DENND1B: variants seen among roughly 807,000 people sequenced by gnomAD.
DENND1B encodes the protein DENN domain-containing protein 1B.
DENND1B carries 59 observed loss-of-function variants against 90.1 expected under a neutral mutation model. That is an observed-to-expected ratio of 0.65 (90% CI 0.53 to 0.81). The LOEUF is 0.81. Among genes scored for constraint, DENND1B ranks in the 40% least tolerant of loss-of-function variants. The pLI is 0.00. For missense variants in DENND1B, 862 were observed against 912.6 expected, an observed-to-expected ratio of 0.94 and a Z score of 0.71; for synonymous variants, 337 against 324.6, an observed-to-expected ratio of 1.04 and a Z score of -0.41.
At chr1:197,595,046 T>C (rs140225944) in intron 14 of DENND1B, among the ~76,000 whole-genome samples, 162 bp downstream of exon 14, 4 of 152,222 alleles carry the variant, frequency 2.6e-5, no homozygotes, top group African/African-American at 9.6e-5. Flanking sequence ...AGTCAAAAAT[T>C]GGAGATGAAA....
intron 7 of DENND1B, among the ~76,000 whole-genome samples, chr1:197,648,894 C>T (rs1286548424): frequency 1.3e-5 from 2 of 152,164 alleles, no homozygotes; most frequent in Non-Finnish European, 2.9e-5. Context: ...GCTGCTGACT[C>T]CCAAATTTGG....
Position 197,716,251 on chromosome 1 carries a change from T to C in DENND1B, c.83-1177A>G, listed in dbSNP as rs187200501. 1.2e-4 allele frequency among the ~76,000 whole-genome samples: 18 copies of C among 151,940 alleles called. No homozygotes were observed. The East Asian group carries it at 3.1e-3, about 26-fold the overall frequency. ...TTATACTTAAGTTCCACAGAATTTT[T>C]TTCAGGTATTTTAAATTAAAAAGAA... On this transcript the variant is annotated intron_variant, in intron 2 of 22. Transcript: ENST00000620048.
chr1:197,560,595 T>C (rs1347083469), intron 15 of DENND1B, among the ~76,000 whole-genome samples: 1 of 151,790 alleles, frequency 6.6e-6, no homozygotes, highest in African/African-American at 2.4e-5. Context: ...GCAAAGGGAA[T>C]AGCCAGAGTA....
intron 2 of DENND1B, among the ~76,000 whole-genome samples, chr1:197,716,721 C>T (rs895179042): frequency 3.3e-5 from 5 of 151,838 alleles, no homozygotes; most frequent in African/African-American, 1.2e-4. Context: ...ACAGTTCTTT[C>T]TCATGAATAA....
At chr1:197,734,576 CT>C in intron 2 of DENND1B, 7 of 980,782 alleles carry the variant, frequency 7.1e-6, no homozygotes, top group Non-Finnish European at 8.5e-6. Flanking sequence ...AATCTTTTTC[CT>C]TCTTTCAAAA....
chr1:197,575,213 G>T (rs1256851646), intron 15 of DENND1B, among the ~76,000 whole-genome samples: 1 of 151,200 alleles, frequency 6.6e-6, no homozygotes, highest in Non-Finnish European at 1.5e-5. Flanking sequence ...TAATACCCAG[G>T]ATCTACAAAG....
At chr1:197,598,114 C>G (rs1460596529) in intron 13 of DENND1B, among the ~76,000 whole-genome samples, 1 of 151,776 alleles carries the variant, frequency 6.6e-6, no homozygotes, top group Non-Finnish European at 1.5e-5. Context: ...TAATTTCATA[C>G]AGATTTTAAA....
intron 16 of DENND1B, among the ~76,000 whole-genome samples, chr1:197,551,286 C>T (rs145144869): frequency 6.6e-6 from 1 of 152,154 alleles, no homozygotes; most frequent in East Asian, 1.9e-4. Flanking sequence ...GCTTGACAGG[C>T]ACAAATTTCT....
chr1:197,570,726 G>A (rs1673076431), intron 15 of DENND1B, among the ~76,000 whole-genome samples: 1 of 152,078 alleles, frequency 6.6e-6, no homozygotes, highest in South Asian at 2.1e-4. Flanking sequence ...TAATCTTAGA[G>A]TCTTTACTTA....
At chr1:197,600,563 G>A (rs1676111333) in intron 13 of DENND1B, among the ~76,000 whole-genome samples, 1 of 151,710 alleles carries the variant, frequency 6.6e-6, no homozygotes, top group Admixed American at 6.6e-5. Flanking sequence ...CACATCTTTG[G>A]AAAACTTACC....
intron 20 of DENND1B, among the ~76,000 whole-genome samples, chr1:197,521,012 G>T (rs1333037419): frequency 6.6e-6 from 1 of 151,762 alleles, no homozygotes; most frequent in Non-Finnish European, 1.5e-5. Flanking sequence ...TATTCTACTA[G>T]AAACACTGAC....
chr1:197,750,936 T>A (rs983595212), intron 2 of DENND1B, among the ~76,000 whole-genome samples: 7 of 152,072 alleles, frequency 4.6e-5, no homozygotes, highest in African/African-American at 1.7e-4. Context: ...AGCTTCAAAA[T>A]GCATGAAGCA....
rs181094764 is a variant in DENND1B at position 197,583,259 on chromosome 1, T to G, written c.1048-6A>C. On this transcript the variant is annotated splice_region_variant and splice_polypyrimidine_tract_variant and intron_variant, in intron 14 of 22. Transcript: ENST00000620048. ...CAGAAAGTGATGGGCTCACCCTAGA[T>G]AGAAATAAAGATTTTAAGGGCATCA... The G allele has an allele frequency of 8.7e-6, 14 of 1,613,234 alleles. No homozygotes were observed. In the East Asian group the frequency reaches 3.1e-4, roughly 36 times the overall value.
At chr1:197,606,061 T>C (rs986063452) in intron 13 of DENND1B, 5 of 151,142 alleles carry the variant, frequency 3.3e-5, no homozygotes, top group African/African-American at 1.2e-4. Flanking sequence ...GAATAAATGC[T>C]TTGTTTTTTT....
At chr1:197,702,835 G>A (rs1221305987) in intron 3 of DENND1B, among the ~76,000 whole-genome samples, 1 of 152,056 alleles carries the variant, frequency 6.6e-6, no homozygotes, top group African/African-American at 2.4e-5. Context: ...TAGTTACTTA[G>A]ATTAAAAGTT....
chr1:197,657,530 C>G (rs1322859542), intron 6 of DENND1B, among the ~76,000 whole-genome samples: 1 of 152,142 alleles, frequency 6.6e-6, no homozygotes, highest in Non-Finnish European at 1.5e-5. Flanking sequence ...CAACAATACA[C>G]CACTTTGCAC....
intron 20 of DENND1B, among the ~76,000 whole-genome samples, chr1:197,527,308 T>G (rs1203904092): frequency 1.8e-5 from 2 of 110,108 alleles, no homozygotes; most frequent in South Asian, 2.8e-4. Context: ...GAAGGTTTTT[T>G]TTTGTTTTTG....
intron 20 of DENND1B, among the ~76,000 whole-genome samples, chr1:197,528,723 A>G (rs933853086): frequency 2.6e-5 from 4 of 151,058 alleles, no homozygotes; most frequent in Non-Finnish European, 5.9e-5. Flanking sequence ...AGCCGGGCGT[A>G]GTGGCGGGCG....
intron 3 of DENND1B, among the ~76,000 whole-genome samples, chr1:197,713,845 T>A (rs1272220030): frequency 5.8e-4 from 1 of 1,726 alleles, no homozygotes; most frequent in African/African-American, 1.3e-3. Context: ...TATATTATAT[T>A]ATATTATTAT....
Sources: gnomAD v4.1 joint callset for allele counts (sites outside exome capture counted in the v4.1 genomes callset) on GRCh38, gnomAD v4.1.1 for gene constraint, MANE v1.5 for transcripts, NCBI Gene and HGNC (gene_info 2026-07-23, HGNC 2026-07-21) for gene names.